Variants in DNAH9 observed in about 807,000 individuals in gnomAD.
DNAH9 encodes DNAH9 variant protein.
A neutral mutation model predicts 471.6 loss-of-function variants in DNAH9; 345 were observed. The ratio of observed to expected loss-of-function variants is 0.73; its 90% CI spans 0.67 to 0.80. The LOEUF is 0.80. DNAH9 is among the 30% of genes least tolerant of loss of function. The probability of loss-of-function intolerance (pLI) is 0.00; values close to 1 mark genes in which losing one functional copy is unlikely to be tolerated. For missense variants in DNAH9, 5,407 were observed against 5,609.2 expected, an observed-to-expected ratio of 0.96 and a Z score of 1.15; for synonymous variants, 2,093 against 2,123.6, an observed-to-expected ratio of 0.99 and a Z score of 0.40.
chr17:11,911,664 A>G (rs967256849), intron 61 of DNAH9, among the ~76,000 whole-genome samples: 1 of 152,318 alleles, frequency 6.6e-6, no homozygotes, highest in Admixed American at 6.5e-5. Context: ...GAATATGTAG[A>G]TAAGATCTAG....
chr17:11,619,476 G>C lies in DNAH9; in HGVS notation c.1117-72G>C, dbSNP rs1389554856. On this transcript the variant is annotated intron_variant, in intron 5 of 68. Coordinates refer to ENST00000262442, the MANE Select transcript of DNAH9 (RefSeq NM_001372.4). ...AAAATATTACTGGGGCAATGATTCA[G>C]TTCAGAGTTGGTGTTGCAAAGTTAC... The C allele has an allele frequency of 2.8e-5, 23 of 825,152 alleles. No individual in the cohort carries two copies. In the Admixed American group the frequency reaches 4.2e-4, roughly 15 times the overall value. The allele number at this position is 825,152 out of a possible 1,614,324, so 51.1% of individuals were successfully genotyped here.
At chr17:11,893,833 CA>C (rs1973137509) in intron 58 of DNAH9, among the ~76,000 whole-genome samples, 1 of 152,154 alleles carries the variant, frequency 6.6e-6, no homozygotes, top group African/African-American at 2.4e-5. Flanking sequence ...ATCTATGTAA[CA>C]AACCTGCACG....
chr17:11,896,391 GGC>G (rs1395621646), intron 59 of DNAH9, among the ~76,000 whole-genome samples: 3 of 152,212 alleles, frequency 2.0e-5, no homozygotes, highest in Admixed American at 6.5e-5. Context: ...GAATGGACAC[GGC>G]TGAGTTCCAA....
intron 4 of DNAH9, among the ~76,000 whole-genome samples, chr17:11,616,683 CT>C (rs1488946050): frequency 6.6e-6 from 1 of 152,114 alleles, no homozygotes; most frequent in African/African-American, 2.4e-5. Flanking sequence ...TGCTCTGTGA[CT>C]TTTTTAAAAA....
intron 64 of DNAH9, 125 bp from the exon 65 acceptor site, chr17:11,933,755 A>G: frequency 1.2e-6 from 1 of 846,044 alleles, no homozygotes; most frequent in South Asian, 1.8e-5. Flanking sequence ...AAAATAAGAC[A>G]TTGCTCTCAA....
intron 56 of DNAH9, among the ~76,000 whole-genome samples, chr17:11,885,700 C>G (rs1449243383): frequency 6.6e-6 from 1 of 152,158 alleles, no homozygotes; most frequent in East Asian, 1.9e-4. Flanking sequence ...CTAAAACATA[C>G]TTTGTTAATG....
At position 11,763,487 on chromosome 17, in the gene DNAH9, T is replaced by G; in HGVS notation, c.7043T>G (p.Val2348Gly). 6.2e-7 allele frequency: 1 copy of G among 1,614,126 alleles called. No homozygotes were observed. Among genetic ancestry groups the G allele is most frequent in the Non-Finnish European group, 8.5e-7 (1 of 1,179,984 alleles). ...CCAGAGCAGAGCATGGTTCAGATGG[T>G]GTGTCACCTTCTGGAATGTCTCCTG... is the stretch of plus-strand genomic sequence containing the variant. ...PIPEQSMVQM[V>G]CHLLECLLTT... Residue 2348 changes from valine to glycine, a missense_variant, in exon 36 of 69, where the codon GTG becomes GGG. Around this residue, in one of 3 missense-constraint regions of DNAH9, gnomAD observed 4,636 missense variants for 4,900.3 expected, o/e 0.95. Coordinates refer to ENST00000262442, the MANE Select transcript of DNAH9 (RefSeq NM_001372.4).
In DNAH9 at chr17:11,736,472, C is replaced by T. The variant is rs561420196; in HGVS notation, c.5815-2408C>T. Among the ~76,000 whole-genome samples, 4 of 152,262 alleles carry T rather than the reference C, an allele frequency of 2.6e-5. No homozygotes were observed. The South Asian group carries it at 8.3e-4, about 32-fold the overall frequency. On this transcript the variant is annotated intron_variant, in intron 28 of 68. Coordinates refer to ENST00000262442, the MANE Select transcript of DNAH9 (RefSeq NM_001372.4). The stretch of plus-strand genomic sequence containing the variant: ...TACATCCCTAGTTCACCTGCTTCTC[C>T]ACTTCCCCCTCCCTGCCTCCAAGCA...
In DNAH9 at chr17:11,933,941, A is replaced by C; in HGVS notation, c.12359A>C (p.Asp4120Ala). 2.5e-6 allele frequency: 4 copies of C among 1,614,128 alleles called. No individual in the cohort carries two copies. The highest frequency in any genetic ancestry group is 3.4e-6 in the Non-Finnish European group (4 of 1,180,028). Residue 4120 changes from aspartate (D) to alanine (A), a missense_variant, in exon 65 of 69, where the codon GAT (aspartate) becomes GCT (alanine). By Grantham distance (126) the Asp-to-Ala change is moderately radical. This residue lies in a region of DNAH9 where 4,636 missense variants were observed against 4,900.3 expected (regional missense o/e 0.95). Coordinates refer to ENST00000262442, the MANE Select transcript of DNAH9 (RefSeq NM_001372.4). The stretch of plus-strand genomic sequence containing the variant: ...ATCATGTATGGAGGCCATATCACAG[A>C]TGACTGGGACAGAAGACTCTGCAGA... ...GEIMYGGHIT[D>A]DWDRRLCRTY... is the part of the protein sequence containing the mutation.
chr17:11,792,097 CAAT>C (rs1223605172), intron 41 of DNAH9, among the ~76,000 whole-genome samples: 2 of 152,020 alleles, frequency 1.3e-5, no homozygotes, highest in African/African-American at 2.4e-5. Context: ...GCCTGACCAA[CAAT>C]GAGAAACCCC....
chr17:11,727,982 A>C (rs114299048), intron 28 of DNAH9, 60 bp downstream of exon 28: 1 of 1,096,856 alleles, frequency 9.1e-7, no homozygotes, highest in Non-Finnish European at 1.4e-6. Flanking sequence ...GCGGAAGTCT[A>C]TGTCCTCTTG....
At chr17:11,916,959 A>G (rs750882894) in intron 61 of DNAH9, among the ~76,000 whole-genome samples, 2 of 152,162 alleles carry the variant, frequency 1.3e-5, no homozygotes, top group African/African-American at 2.4e-5. Flanking sequence ...TCCCTTGATT[A>G]GGAATCTATA....
intron 59 of DNAH9, among the ~76,000 whole-genome samples, chr17:11,901,143 G>T (rs898323955): frequency 1.3e-5 from 2 of 152,212 alleles, no homozygotes; most frequent in African/African-American, 2.4e-5. Flanking sequence ...TGGGGCCAGG[G>T]TGAGGGTGTC....
chr17:11,862,159 C>A (rs1157835859), intron 50 of DNAH9, among the ~76,000 whole-genome samples: 1 of 130,766 alleles, frequency 7.6e-6, no homozygotes, highest in South Asian at 2.5e-4. Flanking sequence ...TTAGGTCTAA[C>A]GTTTAAGTCT....
At chr17:11,811,252 G>A (rs1969887614) in intron 45 of DNAH9, among the ~76,000 whole-genome samples, 1 of 152,050 alleles carries the variant, frequency 6.6e-6, no homozygotes, top group Non-Finnish European at 1.5e-5. Context: ...GGCGGAGGTT[G>A]CAGTGAGCTG....
At chr17:11,826,252 T>C (rs1009878398) in intron 48 of DNAH9, among the ~76,000 whole-genome samples, 13 of 152,210 alleles carry the variant, frequency 8.5e-5, no homozygotes, top group African/African-American at 2.9e-4. Flanking sequence ...GCCTGCCTCA[T>C]TGGCATCAGA....
intron 4 of DNAH9, among the ~76,000 whole-genome samples, chr17:11,615,593 AAG>A (rs1210641029): frequency 2.0e-5 from 3 of 151,614 alleles, no homozygotes; most frequent in Non-Finnish European, 4.4e-5. Flanking sequence ...CCCACCCCAA[AAG>A]AAAAAAAAAA....
At chr17:11,885,182 G>A (rs1972842439) in intron 56 of DNAH9, among the ~76,000 whole-genome samples, 1 of 152,204 alleles carries the variant, frequency 6.6e-6, no homozygotes, top group Non-Finnish European at 1.5e-5. Flanking sequence ...AGAAAGACAA[G>A]TAAACAGGCA....
chr17:11,615,190 A>G (rs1034491360), intron 4 of DNAH9, among the ~76,000 whole-genome samples: 17 of 152,242 alleles, frequency 1.1e-4, no homozygotes, highest in Non-Finnish European at 5.9e-5. Flanking sequence ...AGATGCTACA[A>G]ATAAACGTGT....
Sources: allele counts gnomAD v4.1 joint callset (sites outside exome capture counted in the v4.1 genomes callset), GRCh38; gene constraint gnomAD v4.1.1; regional missense constraint gnomAD v4.1.1; transcripts MANE v1.5; gene names NCBI Gene and HGNC (gene_info 2026-07-23, HGNC 2026-07-21).